Variants in ATXN8OS observed in about 807,000 individuals in gnomAD.
ATXN8OS encodes ATXN8 opposite strand (non-protein coding).
chr13:70,148,141 G>A (rs777160083), intron 4 of ATXN8OS, among the ~76,000 whole-genome samples: 2 of 152,018 alleles, frequency 1.3e-5, no homozygotes, highest in Non-Finnish European at 2.9e-5. Flanking sequence ...GAGGGTGAAT[G>A]TCTCTTATCT....
intron 2 of ATXN8OS, among the ~76,000 whole-genome samples, chr13:70,117,598 G>A (rs533196809): frequency 2.0e-5 from 3 of 152,190 alleles, no homozygotes; most frequent in East Asian, 1.9e-4. Context: ...AAGCAACATT[G>A]TAGAATGGAA....
At chr13:70,107,464 G>A, upstream of ATXN8OS, 1 of 1,614,100 alleles carries the variant, frequency 6.2e-7, no homozygotes, top group Non-Finnish European at 8.5e-7. Flanking sequence ...CGGGGAGGAC[G>A]ATGAAGAGGA....
exon 5 of ATXN8OS, among the ~76,000 whole-genome samples, chr13:70,171,110 G>A (rs962887712): frequency 6.6e-6 from 1 of 152,148 alleles, no homozygotes; most frequent in African/African-American, 2.4e-5. Context: ...AATAGGTGTA[G>A]AGTATGGTTG....
chr13:70,139,377 ACTACTACTGCTGCTGCTGCTGCTGCTG>A (rs1178189018), intron 3 of ATXN8OS: 1 of 645,384 alleles, frequency 1.5e-6, no homozygotes, highest in African/African-American at 2.2e-5. Context: ...TACTACTACT[ACTACTACTGCTGCTGCTGCTGCTGCTG>A]CTGCTGCTGC....
At chr13:70,131,308 CAG>C (rs1888530566) in intron 3 of ATXN8OS, 2 of 398,352 alleles carry the variant, frequency 5.0e-6, no homozygotes, top group South Asian at 2.5e-4. Flanking sequence ...TAAAATGCTA[CAG>C]ATGTCCCCTA....
chr13:70,128,206 A>G (rs1224888922), intron 2 of ATXN8OS, among the ~76,000 whole-genome samples: 1 of 152,150 alleles, frequency 6.6e-6, no homozygotes, highest in Non-Finnish European at 1.5e-5. Flanking sequence ...TTCTTACATT[A>G]CAGACATCCA....
intron 3 of ATXN8OS, among the ~76,000 whole-genome samples, chr13:70,136,881 C>A (rs191266701): frequency 1.2e-4 from 18 of 152,236 alleles, no homozygotes; most frequent in African/African-American, 3.6e-4. Flanking sequence ...GAACACAAGG[C>A]TATTTTACTA....
chr13:70,168,324 A>T (rs1889102402), intron 4 of ATXN8OS, among the ~76,000 whole-genome samples: 1 of 152,226 alleles, frequency 6.6e-6, no homozygotes, highest in East Asian at 1.9e-4. Flanking sequence ...GATTCAGGTT[A>T]TCTATCACCT....
At chr13:70,111,748 A>AT (rs546183615) in intron 1 of ATXN8OS, among the ~76,000 whole-genome samples, 6 of 151,994 alleles carry the variant, frequency 3.9e-5, no homozygotes, top group African/African-American at 7.2e-5. Context: ...AGGAAAAGCA[A>AT]TTTTTTTTGT....
At chr13:70,127,624 G>A (rs555087401) in intron 2 of ATXN8OS, among the ~76,000 whole-genome samples, 4 of 151,844 alleles carry the variant, frequency 2.6e-5, no homozygotes, top group African/African-American at 9.7e-5. Flanking sequence ...CCCACAACAC[G>A]TACTTTCACC....
intron 1 of ATXN8OS, chr13:70,108,637 C>G (rs1006937181): frequency 6.6e-6 from 1 of 152,198 alleles, no homozygotes; most frequent in Non-Finnish European, 1.5e-5. Flanking sequence ...ACCCTCCTTC[C>G]TCGCTACATT....
chr13:70,125,722 G>T (rs770182002), intron 2 of ATXN8OS, among the ~76,000 whole-genome samples: 1 of 152,152 alleles, frequency 6.6e-6, no homozygotes, highest in Non-Finnish European at 1.5e-5. Context: ...TTTGTTCTGA[G>T]AATTTCTGCT....
intron 2 of ATXN8OS, among the ~76,000 whole-genome samples, chr13:70,120,735 G>T (rs938355084): frequency 1.9e-4 from 29 of 152,110 alleles, no homozygotes; most frequent in African/African-American, 7.0e-4. Context: ...GGAATACTAT[G>T]CAGCCATAAA....
rs567435048 is a variant in ATXN8OS at position 70,150,443 on chromosome 13, C to T, written n.573+3015C>T. ...AAGACTTCATGAACTTTCCAGGCTT[C>T]CATGTCTATAATTGAAGATGTTAGA... On this transcript the variant is annotated intron_variant and non_coding_transcript_variant, in intron 4 of 4. Transcript: ENST00000678624. Among the ~76,000 whole-genome samples, 25 of 152,144 alleles carry T rather than the reference C, an allele frequency of 1.6e-4. 1 individual carries two copies. The highest frequency in any genetic ancestry group is 1.0e-3 in the South Asian group (5 of 4,830).
intron 3 of ATXN8OS, among the ~76,000 whole-genome samples, chr13:70,141,781 A>T (rs937795798): frequency 2.6e-5 from 4 of 152,024 alleles, no homozygotes; most frequent in Non-Finnish European, 5.9e-5. Context: ...CTGGTTATTA[A>T]ATATTACTTA....
At chr13:70,142,373 A>G (rs1438258833) in intron 3 of ATXN8OS, among the ~76,000 whole-genome samples, 1 of 152,164 alleles carries the variant, frequency 6.6e-6, no homozygotes, top group Non-Finnish European at 1.5e-5. Flanking sequence ...ATTGTTATTA[A>G]TTTACCTTTA....
intron 2 of ATXN8OS, among the ~76,000 whole-genome samples, chr13:70,117,539 T>G (rs1369930882): frequency 6.6e-6 from 1 of 152,076 alleles, no homozygotes; most frequent in African/African-American, 2.4e-5. Context: ...AATTATAACA[T>G]TTGAAAAACA....
chr13:70,157,397 G>C (rs373893979), intron 4 of ATXN8OS, among the ~76,000 whole-genome samples: 11 of 151,614 alleles, frequency 7.3e-5, no homozygotes, highest in African/African-American at 2.7e-4. Context: ...TACAAATCTA[G>C]AATGTGACTC....
chr13:70,139,261 G>C (rs186064121), intron 3 of ATXN8OS: 5 of 459,008 alleles, frequency 1.1e-5, no homozygotes, highest in Non-Finnish European at 1.9e-5. Flanking sequence ...CTGACTCCCA[G>C]CTTCCACGGA....
Sources: gnomAD v4.1 joint callset for allele counts (sites outside exome capture counted in the v4.1 genomes callset) on GRCh38, gnomAD v4.1.1 for gene constraint, MANE v1.5 for transcripts, NCBI Gene and HGNC (gene_info 2026-07-23, HGNC 2026-07-21) for gene names.